Variants in TYW1B observed in about 807,000 individuals in gnomAD.
The protein encoded by TYW1B is tRNA-yW synthesizing protein 1 homolog B.
A neutral mutation model predicts 86.9 loss-of-function variants in TYW1B; 73 were observed. The ratio of observed to expected loss-of-function variants is 0.84; its 90% CI spans 0.70 to 1.02. The LOEUF (loss-of-function observed/expected upper bound fraction) is 1.02, where lower values mean the gene tolerates loss of function less well. Among genes scored for constraint, TYW1B ranks in the 50% least tolerant of loss-of-function variants. The pLI, the probability that TYW1B is intolerant of heterozygous loss-of-function variation, is 0.00. For synonymous variants in TYW1B, 248 were observed against 292.8 expected, an observed-to-expected ratio of 0.85 and a Z score of 1.56; for missense variants, 637 against 827.4, an observed-to-expected ratio of 0.77 and a Z score of 2.82.
intron 10 of TYW1B, among the ~76,000 whole-genome samples, chr7:72,712,234 T>G (rs1335982085): frequency 6.6e-6 from 1 of 152,082 alleles, no homozygotes; most frequent in Non-Finnish European, 1.5e-5. Context: ...GCAATCAACA[T>G]GGCTGGAACC....
Position 72,574,706 on chromosome 7 carries a change from T to C in TYW1B, c.*792A>G. 1.0e-6 allele frequency: 1 copy of C among 985,450 alleles called. No homozygotes were observed. Among genetic ancestry groups the C allele is most frequent in the Non-Finnish European group, 1.2e-6 (1 of 829,952 alleles). 61.0% of individuals were successfully genotyped at this position (985,450 alleles called of 1,614,324 possible). A position where few individuals can be genotyped will look rare whatever the true frequency, so the allele number is the denominator to read the frequency against. ...ATGGAGACCCGCCGTCTGGTCGTGATATGAGAGGCCCGGACAGTGACCTCA... is the reference window on the plus strand; with the variant it reads ...ATGGAGACCCGCCGTCTGGTCGTGACATGAGAGGCCCGGACAGTGACCTCA... On this transcript the variant is annotated 3_prime_UTR_variant, in exon 14 of 14. Coordinates refer to ENST00000620995, the MANE Select transcript of TYW1B (RefSeq NM_001145440.3).
intron 6 of TYW1B, among the ~76,000 whole-genome samples, chr7:72,780,140 G>A (rs1554471388): frequency 6.6e-6 from 1 of 152,134 alleles, no homozygotes; most frequent in African/African-American, 2.4e-5. Context: ...GGAATCCTTT[G>A]CCTTTTGTTT....
intron 9 of TYW1B, among the ~76,000 whole-genome samples, chr7:72,719,569 T>C (rs1199907644): frequency 2.3e-5 from 3 of 130,780 alleles, no homozygotes; most frequent in Non-Finnish European, 3.1e-5. Flanking sequence ...AGGCGGAGGT[T>C]GCAGTGAACC....
intron 11 of TYW1B, among the ~76,000 whole-genome samples, chr7:72,655,971 C>T (rs1436376483): frequency 6.6e-6 from 1 of 152,218 alleles, no homozygotes; most frequent in Non-Finnish European, 1.5e-5. Context: ...ACAGGCCCAG[C>T]CCATGACTGC....
intron 12 of TYW1B, among the ~76,000 whole-genome samples, chr7:72,627,541 T>C (rs1276858033): frequency 6.6e-6 from 1 of 151,920 alleles, no homozygotes; most frequent in South Asian, 2.1e-4. Context: ...TAAAATGTCA[T>C]CTCAGAAAAG....
Position 72,621,325 on chromosome 7 carries a change from A to T in TYW1B, c.1618-4486T>A, listed in dbSNP as rs78634471. On this transcript the variant is annotated intron_variant, in intron 12 of 13. Coordinates refer to ENST00000620995, the MANE Select transcript of TYW1B (RefSeq NM_001145440.3). ...TTTTTTTTTCCCCACAATAAACCCC[A>T]AATACTTCATTCCTTTATCCTAAAA... Among the ~76,000 whole-genome samples the T allele has an allele frequency of 9.3e-3, 1,419 of 152,256 alleles. 73 individuals carry two copies. The East Asian group carries it at 0.11, about 12-fold the overall frequency.
chr7:72,598,413 C>G (rs1427454082), intron 13 of TYW1B, among the ~76,000 whole-genome samples: 1 of 151,882 alleles, frequency 6.6e-6, no homozygotes, highest in Non-Finnish European at 1.5e-5. Flanking sequence ...CTAACAGAAC[C>G]CTGACTAATA....
chr7:72,634,983 A>G (rs1463996298), intron 11 of TYW1B, among the ~76,000 whole-genome samples: 1 of 152,112 alleles, frequency 6.6e-6, no homozygotes, highest in Non-Finnish European at 1.5e-5. Context: ...TAACTTTCAT[A>G]CATTTCCACT....
At chr7:72,601,751 GAA>G (rs782093005) in intron 13 of TYW1B, among the ~76,000 whole-genome samples, 2 of 109,028 alleles carry the variant, frequency 1.8e-5, no homozygotes. Flanking sequence ...ATTGCTAAGT[GAA>G]AAAAAAAAAA....
At chr7:72,770,212 C>T (rs1195722681) in intron 7 of TYW1B, among the ~76,000 whole-genome samples, 1 of 151,712 alleles carries the variant, frequency 6.6e-6, no homozygotes, top group Non-Finnish European at 1.5e-5. Flanking sequence ...GGGCAGATCA[C>T]GAGGTCAAGA....
intron 4 of TYW1B, 55 bp downstream of exon 4, chr7:72,810,416 G>C: frequency 6.9e-7 from 1 of 1,446,902 alleles, no homozygotes; most frequent in Non-Finnish European, 9.3e-7. Context: ...GTGTGTGTGC[G>C]TGTGTGTGTG....
In TYW1B at chr7:72,817,662, C is replaced by T. The variant is rs142717738; in HGVS notation, c.136-2181G>A. ...TGAACAAAGAATTGAAAAAAATGCA[C>T]AAGTGAAGCAACAAAAACACAGATT... is the stretch of plus-strand genomic sequence containing the variant. On this transcript the variant is annotated intron_variant, in intron 2 of 13. Transcript: ENST00000620995. Among the ~76,000 whole-genome samples, 57 of 152,072 alleles carry T rather than the reference C, an allele frequency of 3.7e-4. No homozygotes were observed. The East Asian group carries it at 0.01, about 27-fold the overall frequency.
chr7:72,694,336 C>A (rs1250668805), intron 11 of TYW1B, among the ~76,000 whole-genome samples: 1 of 152,158 alleles, frequency 6.6e-6, no homozygotes, highest in Non-Finnish European at 1.5e-5. Context: ...AACCAATCTT[C>A]CATAGATTCC....
intron 13 of TYW1B, among the ~76,000 whole-genome samples, chr7:72,585,963 G>A (rs1299285609): frequency 6.6e-6 from 1 of 152,156 alleles, no homozygotes; most frequent in African/African-American, 2.4e-5. Context: ...AGTTAAGAAT[G>A]AGAAATTGTG....
chr7:72,598,921 T>C (rs1811595751), intron 13 of TYW1B, among the ~76,000 whole-genome samples: 1 of 152,156 alleles, frequency 6.6e-6, no homozygotes, highest in Admixed American at 6.5e-5. Context: ...TCCTAGTTCC[T>C]TGTCCTAGGT....
intron 11 of TYW1B, among the ~76,000 whole-genome samples, chr7:72,632,338 T>C (rs1204445802): frequency 1.7e-5 from 2 of 119,442 alleles, no homozygotes; most frequent in African/African-American, 3.5e-5. Context: ...TATATACACG[T>C]ATATATATTA....
At chr7:72,807,013 G>C in intron 5 of TYW1B, 53 bp downstream of exon 5, 1 of 1,577,318 alleles carries the variant, frequency 6.3e-7, no homozygotes, top group Non-Finnish European at 8.6e-7. Context: ...TCAAGCTCGA[G>C]ATCTCCAAGC....
chr7:72,717,779 T>C (rs1786819630), intron 9 of TYW1B, among the ~76,000 whole-genome samples: 1 of 152,024 alleles, frequency 6.6e-6, no homozygotes. Context: ...TGCAGAGAAA[T>C]GCAAATTAAA....
At chr7:72,756,340 T>A (rs1287514634) in intron 7 of TYW1B, among the ~76,000 whole-genome samples, 1 of 151,936 alleles carries the variant, frequency 6.6e-6, no homozygotes, top group Non-Finnish European at 1.5e-5. Flanking sequence ...GTTCAAGCGA[T>A]TCTCCCGCCT....
Sources: allele counts gnomAD v4.1 joint callset (sites outside exome capture counted in the v4.1 genomes callset), GRCh38; gene constraint gnomAD v4.1.1; transcripts MANE v1.5; gene names NCBI Gene and HGNC (gene_info 2026-07-23, HGNC 2026-07-21).